Variants in SNX6 observed in about 807,000 individuals in gnomAD.
SNX6 encodes sorting nexin 6, also known as sorting nexin-6.
SNX6 carries 34 observed loss-of-function variants against 63.0 expected under a neutral mutation model. The ratio of observed to expected loss-of-function variants is 0.54; its 90% CI spans 0.41 to 0.72. The LOEUF (loss-of-function observed/expected upper bound fraction) is 0.72, where lower values mean the gene tolerates loss of function less well. Ranked by LOEUF, SNX6 falls within the 30% of genes least tolerant of loss-of-function variation. SNX6 has a pLI of 0.00. For synonymous variants in SNX6, 170 were observed against 164.2 expected, an observed-to-expected ratio of 1.04 and a Z score of -0.27; for missense variants, 398 against 471.4, an observed-to-expected ratio of 0.84 and a Z score of 1.44.
intron 6 of SNX6, among the ~76,000 whole-genome samples, chr14:34,600,794 T>C (rs919697670): frequency 6.6e-6 from 1 of 152,112 alleles, no homozygotes; most frequent in East Asian, 1.9e-4. Context: ...TCCCAGCACC[T>C]TGGGAGGCCG....
At chr14:34,581,404 G>A (rs957461056) in intron 10 of SNX6, among the ~76,000 whole-genome samples, 157 bp downstream of exon 10, 1 of 152,070 alleles carries the variant, frequency 6.6e-6, no homozygotes, top group Non-Finnish European at 1.5e-5. Context: ...CGCCCCACTT[G>A]GCCTCCCAAA....
intron 11 of SNX6, among the ~76,000 whole-genome samples, chr14:34,570,261 G>A (rs1881385249): frequency 1.3e-5 from 2 of 151,690 alleles, no homozygotes; most frequent in Admixed American, 1.3e-4. Flanking sequence ...TAGAGACAGG[G>A]TTTCTCCATG....
At chr14:34,602,508 T>C (rs544376819) in intron 6 of SNX6, among the ~76,000 whole-genome samples, 11 of 143,400 alleles carry the variant, frequency 7.7e-5, no homozygotes, top group African/African-American at 2.3e-4. Context: ...CGAGAATCAC[T>C]TGAACTTGGG....
At chr14:34,621,108 C>G (rs1190653669) in intron 2 of SNX6, among the ~76,000 whole-genome samples, 1 of 151,922 alleles carries the variant, frequency 6.6e-6, no homozygotes, top group African/African-American at 2.4e-5. Flanking sequence ...GTGACCACAC[C>G]CTGTTAATTT....
intron 3 of SNX6, 102 bp downstream of exon 3, chr14:34,609,536 T>C: frequency 4.7e-6 from 2 of 425,290 alleles, no homozygotes; most frequent in East Asian, 4.2e-5. Context: ...TTTGTTAAAA[T>C]AGTTTCTTTC....
intron 4 of SNX6, 51 bp downstream of exon 4, chr14:34,607,979 G>A (rs1239887785): frequency 3.3e-6 from 3 of 901,970 alleles, no homozygotes; most frequent in Non-Finnish European, 5.1e-6. Context: ...ACATAACGAA[G>A]TACCTAAAAC....
At position 34,585,939 on chromosome 14, in the gene SNX6, C is replaced by G. The variant is rs539027478; in HGVS notation, c.794+291G>C. ...ATTTTTTTTGAGATGGAGTCTCACT[C>G]TGTTGCCCAGGCTGGAGTGCAAAGG... On this transcript the variant is annotated intron_variant, in intron 9 of 13. Transcript: ENST00000362031. Among the ~76,000 whole-genome samples, 42 of 148,746 alleles carry G rather than the reference C, an allele frequency of 2.8e-4. 1 individual carries two copies. The South Asian group carries it at 8.5e-3, about 30-fold the overall frequency.
chr14:34,597,822 GTAA>G (rs921884277), intron 6 of SNX6, among the ~76,000 whole-genome samples, 177 bp from the exon 7 acceptor site: 1 of 152,110 alleles, frequency 6.6e-6, no homozygotes, highest in Non-Finnish European at 1.5e-5. Flanking sequence ...AAGGAGTTTG[GTAA>G]TAATATAGAT....
intron 8 of SNX6, among the ~76,000 whole-genome samples, chr14:34,590,186 T>C (rs964452443): frequency 2.0e-5 from 3 of 151,998 alleles, no homozygotes; most frequent in African/African-American, 7.2e-5. Context: ...CCCAGCACTT[T>C]GGGAGGCTGA....
At chr14:34,602,979 A>G (rs1837725239) in intron 6 of SNX6, among the ~76,000 whole-genome samples, 1 of 146,702 alleles carries the variant, frequency 6.8e-6, no homozygotes, top group African/African-American at 2.5e-5. Flanking sequence ...CCGTCTCAAA[A>G]AAAAAAAAAA....
intron 13 of SNX6, 86 bp downstream of exon 13, chr14:34,567,600 T>G: frequency 3.9e-6 from 4 of 1,032,010 alleles, no homozygotes; most frequent in Non-Finnish European, 4.4e-6. Flanking sequence ...CTATGAGAAC[T>G]GACATTAAAG....
chr14:34,573,277 C>G (rs1566465970), intron 11 of SNX6, among the ~76,000 whole-genome samples: 3 of 152,008 alleles, frequency 2.0e-5, no homozygotes, highest in Admixed American at 6.6e-5. Context: ...AGTACCCAGC[C>G]AAAAAAACTT....
At chr14:34,628,559 G>A (rs182597058) in intron 2 of SNX6, among the ~76,000 whole-genome samples, 2 of 152,186 alleles carry the variant, frequency 1.3e-5, no homozygotes, top group Non-Finnish European at 2.9e-5. Flanking sequence ...AGCCCAGGAG[G>A]TCAAGGCTGC....
intron 13 of SNX6, among the ~76,000 whole-genome samples, chr14:34,566,025 A>G (rs1434210508): frequency 6.6e-6 from 1 of 151,754 alleles, no homozygotes; most frequent in East Asian, 1.9e-4. Context: ...GGGTTTCACC[A>G]TGTTGGCTTG....
In SNX6 at chr14:34,617,607, C is replaced by CAAAA. The variant is rs34716944; in HGVS notation, c.55-7869_55-7866dup. Among the ~76,000 whole-genome samples the CAAAA allele has an allele frequency of 7.5e-5, 5 of 66,906 alleles. 1 individual carries two copies. Among genetic ancestry groups the CAAAA allele is most frequent in the Non-Finnish European group, 8.9e-5 (3 of 33,882 alleles). 43.9% of individuals were successfully genotyped at this position (66,906 alleles called of 152,430 possible). A position where few individuals can be genotyped will look rare whatever the true frequency, so the allele number is the denominator to read the frequency against. On this transcript the variant is annotated intron_variant, in intron 2 of 13. Coordinates refer to ENST00000362031, the MANE Select transcript of SNX6 (RefSeq NM_152233.4). ...TGGGTGACAGAGTGAGACCCTGTCTCAAAAAAAAAAAAAAAAAAAAAAAAA... is the reference window on the plus strand; with the variant it reads ...TGGGTGACAGAGTGAGACCCTGTCTCAAAAAAAAAAAAAAAAAAAAAAAAAAAAA...
chr14:34,582,543 G>A lies in SNX6; in HGVS notation c.795-943C>T, dbSNP rs187185245. On this transcript the variant is annotated intron_variant, in intron 9 of 13. Transcript: ENST00000362031. Reference sequence around the variant, plus strand: ...TGACAGCCTAAGCCATACATTAAACGTGTTTTTGTTGTTGTTGTTGTTATT... The same window carrying A: ...TGACAGCCTAAGCCATACATTAAACATGTTTTTGTTGTTGTTGTTGTTATT... 4.6e-5 allele frequency among the ~76,000 whole-genome samples: 7 copies of A among 151,860 alleles called. No individual in the cohort carries two copies. In the East Asian group the frequency reaches 1.2e-3, roughly 25 times the overall value.
chr14:34,569,234 A>G, intron 11 of SNX6: 1 of 563,560 alleles, frequency 1.8e-6, no homozygotes, highest in Non-Finnish European at 3.2e-6. Flanking sequence ...AATTTAAAAT[A>G]TGTAATTCAA....
chr14:34,581,545 A>G lies in SNX6; in HGVS notation c.834+16T>C, dbSNP rs769104087. On this transcript the variant is annotated intron_variant, in intron 10 of 13. Coordinates refer to ENST00000362031, the MANE Select transcript of SNX6 (RefSeq NM_152233.4). ...GCACAATATTATGCAGTATATCTCTATAATTTAGTACTTACTCTTGTTTTA... is the reference window on the plus strand; with the variant it reads ...GCACAATATTATGCAGTATATCTCTGTAATTTAGTACTTACTCTTGTTTTA... 2 of 1,374,976 alleles carry G rather than the reference A, an allele frequency of 1.5e-6. No individual in the cohort carries two copies. The highest frequency in any genetic ancestry group is 1.8e-4 in the Middle Eastern group (1 of 5,412). 85.2% of individuals were successfully genotyped at this position (1,374,976 alleles called of 1,614,324 possible). A position where few individuals can be genotyped will look rare whatever the true frequency, so the allele number is the denominator to read the frequency against.
chr14:34,592,548 A>AT, intron 8 of SNX6, among the ~76,000 whole-genome samples: 1 of 152,260 alleles, frequency 6.6e-6, no homozygotes, highest in South Asian at 2.1e-4. Flanking sequence ...TCACAGTATC[A>AT]TTATAAAAAT....
Sources: allele counts gnomAD v4.1 joint callset (sites outside exome capture counted in the v4.1 genomes callset), GRCh38; gene constraint gnomAD v4.1.1; transcripts MANE v1.5; gene names NCBI Gene and HGNC (gene_info 2026-07-23, HGNC 2026-07-21).